The following DNAH14 variants were observed in gnomAD, a reference collection of about 807,000 sequenced individuals.
DNAH14 encodes axonemal beta dynein heavy chain 14.
A neutral mutation model predicts 520.9 loss-of-function variants in DNAH14; 478 were observed. The ratio of observed to expected loss-of-function variants is 0.92; its 90% confidence interval spans 0.85 to 0.99. DNAH14 has a LOEUF of 0.99. Among genes scored for constraint, DNAH14 ranks in the 50% least tolerant of loss-of-function variants. The pLI is 0.00. For synonymous variants in DNAH14, 1,581 were observed against 1,757.2 expected (o/e 0.90, Z 2.51); for missense variants, 4,831 against 5,234.5 (o/e 0.92, Z 2.38).
chr1:224,943,461 A>AT (rs1463020482), intron 1 of DNAH14, among the ~76,000 whole-genome samples: 1 of 151,914 alleles, frequency 6.6e-6, no homozygotes, highest in South Asian at 2.1e-4. Context: ...GGATTTATTG[A>AT]TTTTTTGAAG....
At chr1:225,096,827 G>A (rs2075021662) in intron 21 of DNAH14, among the ~76,000 whole-genome samples, 1 of 152,092 alleles carries the variant, frequency 6.6e-6, no homozygotes, top group African/African-American at 2.4e-5. Context: ...TAAGTGTTAA[G>A]TGCTAGACAT....
intron 41 of DNAH14, among the ~76,000 whole-genome samples, chr1:225,219,719 TA>T (rs953467625): frequency 1.3e-5 from 2 of 152,218 alleles, no homozygotes; most frequent in African/African-American, 4.8e-5. Context: ...ATCTGAATTC[TA>T]CCAGAGGTAC....
intron 1 of DNAH14, among the ~76,000 whole-genome samples, chr1:224,938,202 C>T (rs1465217491): frequency 6.6e-6 from 1 of 152,066 alleles, no homozygotes; most frequent in Non-Finnish European, 1.5e-5. Flanking sequence ...TATTGGATTA[C>T]ATCAAGCCAT....
intron 84 of DNAH14, among the ~76,000 whole-genome samples, chr1:225,395,177 T>C (rs2150894541): frequency 6.6e-6 from 1 of 152,342 alleles, no homozygotes; most frequent in African/African-American, 2.4e-5. Flanking sequence ...TCAGGGTTTA[T>C]GGAGATTATC....
chr1:225,360,702 T>A lies in DNAH14; in HGVS notation c.11798T>A (p.Leu3933His). ...ACAGGGATCGACCTTACCAATATCC[T>A]CCTGAGATTTGCACAAGAGTTAAAA... ...QTHGIDLTNI[L>H]LRFAQELKGT... is the part of the protein sequence containing the mutation. Residue 3933 changes from leucine to histidine, a missense_variant, in exon 75 of 86, where the codon CTC becomes CAC. By Grantham distance (99) the Leu-to-His change is moderately conservative. Transcript: ENST00000682510. 1 of 1,551,702 alleles carries A rather than the reference T, an allele frequency of 6.4e-7. No individual in the cohort carries two copies. The highest frequency in any genetic ancestry group is 8.7e-7 in the Non-Finnish European group (1 of 1,146,988).
intron 17 of DNAH14, among the ~76,000 whole-genome samples, chr1:225,053,547 G>A (rs899758975): frequency 6.6e-6 from 1 of 152,132 alleles, no homozygotes; most frequent in African/African-American, 2.4e-5. Flanking sequence ...AAAACAGGAG[G>A]AAAGCTGTTT....
intron 23 of DNAH14, among the ~76,000 whole-genome samples, chr1:225,111,702 T>C (rs2076490295): frequency 6.6e-6 from 1 of 152,052 alleles, no homozygotes; most frequent in African/African-American, 2.4e-5. Flanking sequence ...TGTGGTCTTC[T>C]CTTCCTTCTT....
At chr1:225,221,192 A>C (rs634342) in intron 41 of DNAH14, among the ~76,000 whole-genome samples, 23,475 of 152,152 alleles carry the variant, frequency 0.15, 2,125 homozygotes, top group East Asian at 0.36. Flanking sequence ...GACCTAAAAA[A>C]CATAAAAAAC....
At position 225,192,807 on chromosome 1, in the gene DNAH14, T is replaced by C; in HGVS notation, c.5782T>C (p.Leu1928=). Reference sequence around the variant, plus strand: ...TAATACTATGGAATGGACTGATGGATTATTATCAGCAACAATTCGAAGTTA... The same window carrying C: ...TAATACTATGGAATGGACTGATGGACTATTATCAGCAACAATTCGAAGTTA... ...DPNTMEWTDG[L]LSATIRSYVY... The change falls in exon 38 of 86, where the codon TTA becomes CTA. Residue 1928 remains leucine, a synonymous_variant. Transcript: ENST00000682510. 1 of 1,550,246 alleles carries C rather than the reference T, an allele frequency of 6.5e-7. No individual in the cohort carries two copies. Among genetic ancestry groups the C allele is most frequent in the South Asian group, 1.2e-5 (1 of 84,026 alleles).
Position 225,206,010 on chromosome 1 carries a change from A to C in DNAH14, c.6017A>C (p.Asp2006Ala). 6.4e-7 allele frequency: 1 copy of C among 1,551,662 alleles called. No individual in the cohort carries two copies. Among genetic ancestry groups the C allele is most frequent in the African/African-American group, 1.4e-5 (1 of 73,158 alleles). ...TGGATTATCCTAGATGGCCCAGTGGACACCTTTTGGGTAGAAAATCTGAAC... is the reference window on the plus strand; with the variant it reads ...TGGATTATCCTAGATGGCCCAGTGGCCACCTTTTGGGTAGAAAATCTGAAC... ...WQWIILDGPV[D>A]TFWVENLNSV... The change falls in exon 40 of 86, where the codon GAC becomes GCC. Residue 2006 changes from aspartate to alanine, a missense_variant. Coordinates refer to ENST00000682510, the MANE Select transcript of DNAH14 (RefSeq NM_001367479.1).
intron 38 of DNAH14, among the ~76,000 whole-genome samples, chr1:225,195,588 A>T (rs1292797228): frequency 6.6e-6 from 1 of 151,854 alleles, no homozygotes; most frequent in Non-Finnish European, 1.5e-5. Context: ...TGTATACCAA[A>T]CCCCCGAGAC....
At chr1:225,276,983 AAGGGAGGGAGGAAGGAAGGG>A (rs1177832601) in intron 53 of DNAH14, among the ~76,000 whole-genome samples, 10 of 35,594 alleles carry the variant, frequency 2.8e-4, no homozygotes, top group Admixed American at 1.9e-3. Context: ...GGAAGGAAGG[AAGGGAGGGAGGAAGGAAGGG>A]AGGGAGGGAG....
intron 17 of DNAH14, among the ~76,000 whole-genome samples, chr1:225,058,237 C>A (rs1340420515): frequency 1.3e-5 from 2 of 152,154 alleles, no homozygotes; most frequent in Non-Finnish European, 2.9e-5. Context: ...AGAGATTCAA[C>A]TTCTTCCTGG....
At chr1:224,964,693 TGTCAAA>T in intron 5 of DNAH14, 84 bp downstream of exon 5, 1 of 1,208,642 alleles carries the variant, frequency 8.3e-7, no homozygotes, top group Non-Finnish European at 1.1e-6. Context: ...TCAGATATTA[TGTCAAA>T]GTCAAACATT....
At chr1:225,185,760 A>G (rs1034069397) in intron 37 of DNAH14, among the ~76,000 whole-genome samples, 1 of 151,602 alleles carries the variant, frequency 6.6e-6, no homozygotes, top group African/African-American at 2.4e-5. Flanking sequence ...CTTCTTAATG[A>G]ATTAACTTTC....
intron 71 of DNAH14, among the ~76,000 whole-genome samples, chr1:225,348,205 C>G (rs1030589316): frequency 6.6e-6 from 1 of 151,596 alleles, no homozygotes; most frequent in Non-Finnish European, 1.5e-5. Context: ...AATTAAAAAG[C>G]AAAGAGATCC....
intron 36 of DNAH14, among the ~76,000 whole-genome samples, chr1:225,180,455 G>A (rs115722114): frequency 6.6e-6 from 1 of 152,166 alleles, no homozygotes; most frequent in East Asian, 1.9e-4. Flanking sequence ...CCTGGTGAGG[G>A]CCTCTGGCTG....
At chr1:225,097,490 T>C (rs888125219) in intron 22 of DNAH14, among the ~76,000 whole-genome samples, 19 of 152,174 alleles carry the variant, frequency 1.2e-4, no homozygotes, top group Admixed American at 9.2e-4. Flanking sequence ...TACATCATTA[T>C]TGGCTGGGCA....
intron 8 of DNAH14, among the ~76,000 whole-genome samples, chr1:224,989,268 C>G (rs776462108): frequency 1.6e-4 from 25 of 152,264 alleles, no homozygotes; most frequent in Middle Eastern, 3.4e-3. Context: ...CAAGTTGACA[C>G]ACAAAATTAA....
Sources: gnomAD v4.1 joint callset for allele counts (sites outside exome capture counted in the v4.1 genomes callset) on GRCh38, gnomAD v4.1.1 for gene constraint, MANE v1.5 for transcripts, NCBI Gene and HGNC (gene_info 2026-07-23, HGNC 2026-07-21) for gene names.